PKD2L2: variants seen among roughly 807,000 people sequenced by gnomAD.
PKD2L2 encodes the protein polycystin 2 like 2, transient receptor potential cation channel, also known as polycystin-2-like protein 2.
Under a neutral mutation model 83.9 loss-of-function variants are expected in PKD2L2, and 67 were observed. The observed-to-expected ratio is 0.80, with a 90% CI of 0.66 to 0.98. The LOEUF is 0.98. Ranked by LOEUF, PKD2L2 falls within the 50% of genes least tolerant of loss-of-function variation. The pLI is 0.00. For synonymous variants in PKD2L2, 223 were observed against 237.8 expected (o/e 0.94, Z 0.57); for missense variants, 632 against 717.2 (o/e 0.88, Z 1.36).
Position 137,889,489 on chromosome 5 carries a change from GCCAT to G in PKD2L2, c.-2_2del. The G allele has an allele frequency of 1.3e-6, 2 of 1,570,370 alleles. No homozygotes were observed. The highest frequency in any genetic ancestry group is 1.7e-6 in the Non-Finnish European group (2 of 1,163,140). On this transcript the variant is annotated start_lost and 5_prime_UTR_variant, in exon 1 of 15. Transcript: ENST00000508883. ...CGAACGGGCGGTGTAGTGCAGGTCCGCCATGGCTGAGGCGTCACGGTGGCACCGA... is the reference window on the plus strand; with the variant it reads ...CGAACGGGCGGTGTAGTGCAGGTCCGGGCTGAGGCGTCACGGTGGCACCGA...
In PKD2L2 at chr5:137,892,580, T is replaced by G. The variant is rs758892785; in HGVS notation, c.234T>G (p.Phe78Leu). The G allele has an allele frequency of 2.5e-6, 4 of 1,612,178 alleles. No homozygotes were observed. In the South Asian group the frequency reaches 4.4e-5, roughly 18 times the overall value. The change falls in exon 3 of 15, where the codon TTT (phenylalanine) becomes TTG (leucine). Residue 78 changes from phenylalanine (F) to leucine (L), a missense_variant. By Grantham distance (22) the Phe-to-Leu change is conservative (BLOSUM62 0). This residue lies in a region of PKD2L2 where 229 missense variants were observed against 281.5 expected (regional missense o/e 0.81). Transcript: ENST00000508883. ...TGCCTGGTGAAGAAAGAACCAACTT[T>G]AAGTCCATTCGCAGCATAACTGATT... ...TSVPGEERTN[F>L]KSIRSITDFW...
intron 6 of PKD2L2, among the ~76,000 whole-genome samples, chr5:137,907,427 T>C (rs1428112603): frequency 2.0e-5 from 3 of 152,222 alleles, no homozygotes; most frequent in African/African-American, 4.8e-5. Flanking sequence ...TTAAGTATTA[T>C]GTAGAGCAAA....
In PKD2L2 at chr5:137,893,078, A is replaced by T. The variant is rs541615044; in HGVS notation, c.267+465A>T. ...AGCTAGGCTCCATCTCAAAAAAAAAATTTTTTTTGATTTTTTTAGACATTC... is the reference window on the plus strand; with the variant it reads ...AGCTAGGCTCCATCTCAAAAAAAAATTTTTTTTTGATTTTTTTAGACATTC... On this transcript the variant is annotated intron_variant, in intron 3 of 14. Transcript: ENST00000508883. 2.1e-3 allele frequency among the ~76,000 whole-genome samples: 314 copies of T among 152,036 alleles called. 2 individuals carry two copies. The highest frequency in any genetic ancestry group is 3.8e-3 in the African/African-American group (156 of 41,462).
In PKD2L2 at chr5:137,901,192, G is replaced by A. The variant is rs190794622; in HGVS notation, c.746+1455G>A. On this transcript the variant is annotated intron_variant, in intron 5 of 14. Coordinates refer to ENST00000508883, the MANE Select transcript of PKD2L2 (RefSeq NM_001300921.2). ...GTCATCATGTGACAACTGGTAAAAG[G>A]AAAGTGAAGGATCTAAAGTTGGAGA... 2.9e-3 allele frequency among the ~76,000 whole-genome samples: 437 copies of A among 152,132 alleles called. 6 individuals are homozygous for A. Among genetic ancestry groups the A allele is most frequent in the Admixed American group, 0.025 (378 of 15,276 alleles).
chr5:137,892,879 G>C (rs534972207), intron 3 of PKD2L2, among the ~76,000 whole-genome samples: 6 of 152,226 alleles, frequency 3.9e-5, no homozygotes, highest in African/African-American at 1.4e-4. Context: ...AGGCCAAGGC[G>C]GGTGGATCAC....
chr5:137,910,795 C>CA (rs34676713), intron 8 of PKD2L2, among the ~76,000 whole-genome samples: 105,305 of 142,552 alleles, frequency 0.74, 38,859 homozygotes, highest in East Asian at 0.96. Flanking sequence ...AAAAGAAAAA[C>CA]AAAAAAAAAA....
Position 137,936,402 on chromosome 5 carries a change from G to A in PKD2L2, c.1867G>A (p.Ala623Thr). The A allele has an allele frequency of 6.5e-7, 1 of 1,534,916 alleles. No individual in the cohort carries two copies. The highest frequency in any genetic ancestry group is 8.7e-7 in the Non-Finnish European group (1 of 1,145,830). The change falls in exon 14 of 15, where the codon GCT becomes ACT. Residue 623 changes from alanine (A) to threonine (T), a missense_variant. This residue lies in a region of PKD2L2 where 399 missense variants were observed against 416.9 expected (regional missense o/e 0.96). Coordinates refer to ENST00000508883, the MANE Select transcript of PKD2L2 (RefSeq NM_001300921.2). ...AAATCAAGTGGTGAGAAAGGTTTCA[G>A]CTCTATAGTATTGAGACAAGTGGAG... ...KLNQVVRKVS[A>T]L
At chr5:137,893,588 T>G (rs991755460) in intron 3 of PKD2L2, among the ~76,000 whole-genome samples, 2 of 152,222 alleles carry the variant, frequency 1.3e-5, no homozygotes, top group African/African-American at 4.8e-5. Context: ...CAATATGTTC[T>G]ATAAGTAATT....
Position 137,932,717 on chromosome 5 carries a change from C to T in PKD2L2, c.1672-3080C>T, listed in dbSNP as rs1759976485. On this transcript the variant is annotated intron_variant, in intron 12 of 14. Transcript: ENST00000508883. ...ATTCTTTATCCAAAATGCTTGGGAC[C>T]CAGAAGTGTTTTAGAGTTCAGATTT... Among the ~76,000 whole-genome samples the T allele has an allele frequency of 3.9e-5, 6 of 152,198 alleles. No individual in the cohort carries two copies. The South Asian group carries it at 1.2e-3, about 32-fold the overall frequency.
chr5:137,892,073 G>A (rs1006087188), intron 2 of PKD2L2, among the ~76,000 whole-genome samples: 2 of 152,162 alleles, frequency 1.3e-5, no homozygotes, highest in African/African-American at 4.8e-5. Flanking sequence ...AACAAAACTA[G>A]GGGGTAAGAG....
intron 8 of PKD2L2, among the ~76,000 whole-genome samples, chr5:137,917,265 A>G (rs1490065170): frequency 6.6e-6 from 1 of 151,440 alleles, no homozygotes; most frequent in Non-Finnish European, 1.5e-5. Context: ...GTTGGGTTCA[A>G]GCAATTCTCC....
At chr5:137,894,935 C>T (rs1189932814) in intron 4 of PKD2L2, among the ~76,000 whole-genome samples, 3 of 152,106 alleles carry the variant, frequency 2.0e-5, no homozygotes. Context: ...GCTAGATGCC[C>T]ACAACACATC....
At chr5:137,902,878 C>G (rs746203377) in intron 5 of PKD2L2, among the ~76,000 whole-genome samples, 20 of 152,170 alleles carry the variant, frequency 1.3e-4, no homozygotes, top group Non-Finnish European at 2.1e-4. Flanking sequence ...TGCTATGTGA[C>G]AGAAATAAAT....
chr5:137,928,383 C>CA (rs57825667), intron 12 of PKD2L2, among the ~76,000 whole-genome samples: 3 of 111,490 alleles, frequency 2.7e-5, no homozygotes, highest in African/African-American at 1.0e-4. Flanking sequence ...ACAAAAAGTA[C>CA]AAAAAAAAAA....
chr5:137,911,390 G>A (rs575915110), intron 8 of PKD2L2, among the ~76,000 whole-genome samples: 1 of 152,220 alleles, frequency 6.6e-6, no homozygotes, highest in Non-Finnish European at 1.5e-5. Flanking sequence ...CACTTGGGTT[G>A]GTTCCACATT....
intron 14 of PKD2L2, 40 bp downstream of exon 14, chr5:137,936,467 T>C: frequency 6.6e-7 from 1 of 1,516,754 alleles, no homozygotes; most frequent in Non-Finnish European, 8.8e-7. Context: ...TTTCTTTTTT[T>C]TTTTTTGAGA....
Position 137,906,344 on chromosome 5 carries a change from C to G in PKD2L2, c.885C>G (p.Val295=), listed in dbSNP as rs753441855. 1.1e-5 allele frequency: 18 copies of G among 1,607,654 alleles called. No individual in the cohort carries two copies. Among genetic ancestry groups the G allele is most frequent in the Non-Finnish European group, 1.4e-5 (16 of 1,174,878 alleles). The change falls in exon 6 of 15, where the codon GTC becomes GTG. Residue 295 remains valine (V), a synonymous_variant. Transcript: ENST00000508883. ...CEITFCIFLF[V]FTTQEVKKIK... Reference sequence around the variant, plus strand: ...TCACATTCTGTATTTTTCTTTTTGTCTTCACAACACAAGAAGTCAAAAAAA... The same window carrying G: ...TCACATTCTGTATTTTTCTTTTTGTGTTCACAACACAAGAAGTCAAAAAAA...
In PKD2L2 at chr5:137,908,753, G is replaced by C. The variant is rs776690887; in HGVS notation, c.1147-12G>C. ...ATATTCTCCTATTTCAATTAACTTT[G>C]TTCTTTTTCAGATATTCAAATTCAT... is the stretch of plus-strand genomic sequence containing the variant. On this transcript the variant is annotated splice_polypyrimidine_tract_variant and intron_variant, in intron 7 of 14. Transcript: ENST00000508883. The C allele has an allele frequency of 7.2e-7, 1 of 1,393,268 alleles. No homozygotes were observed. Among genetic ancestry groups the C allele is most frequent in the Non-Finnish European group, 9.9e-7 (1 of 1,007,996 alleles). 86.3% of individuals were successfully genotyped at this position (1,393,268 alleles called of 1,614,324 possible).
At chr5:137,917,222 T>C (rs866648606) in intron 8 of PKD2L2, among the ~76,000 whole-genome samples, 6 of 148,334 alleles carry the variant, frequency 4.0e-5, no homozygotes, top group African/African-American at 7.4e-5. Context: ...TGGAGTGCAG[T>C]GGTGGGATCT....
Sources: allele counts gnomAD v4.1 joint callset (sites outside exome capture counted in the v4.1 genomes callset), GRCh38; gene constraint gnomAD v4.1.1; regional missense constraint gnomAD v4.1.1; transcripts MANE v1.5; gene names NCBI Gene and HGNC (gene_info 2026-07-23, HGNC 2026-07-21).